Variants in PODXL observed in about 807,000 individuals in gnomAD.
The protein encoded by PODXL is podocalyxin like.
In PODXL, 20 loss-of-function variants were observed where a neutral mutation model predicts 48.9. The ratio of observed to expected loss-of-function variants is 0.41; its 90% CI spans 0.29 to 0.59. The LOEUF is 0.59. Among genes scored for constraint, PODXL ranks in the 20% least tolerant of loss-of-function variants. The pLI is 0.31. For missense variants in PODXL, 606 were observed against 675.1 expected (o/e 0.90, Z 1.13); for synonymous variants, 295 against 287.4 (o/e 1.03, Z -0.27).
At chr7:131,517,982 A>C (rs979892766) in intron 1 of PODXL, among the ~76,000 whole-genome samples, 7 of 151,996 alleles carry the variant, frequency 4.6e-5, no homozygotes, top group Admixed American at 2.0e-4. Flanking sequence ...CAGGCGATCC[A>C]CCCTGCTCAG....
At chr7:131,555,003 C>G (rs1041891514) in intron 1 of PODXL, among the ~76,000 whole-genome samples, 1 of 152,226 alleles carries the variant, frequency 6.6e-6, no homozygotes, top group African/African-American at 2.4e-5. Flanking sequence ...CCTTCCCTTT[C>G]TAGTCAGGCT....
chr7:131,543,092 G>A (rs150252971), intron 1 of PODXL, among the ~76,000 whole-genome samples: 9 of 152,244 alleles, frequency 5.9e-5, no homozygotes, highest in African/African-American at 1.9e-4. Context: ...TGTATGTTTT[G>A]AAGCCACAGT....
Position 131,509,555 on chromosome 7 carries a change from T to A in PODXL, c.833A>T (p.Gln278Leu), listed in dbSNP as rs1797874610. Residue 278 changes from glutamine (Q) to leucine (L), a missense_variant, in exon 4 of 9, where the codon CAG becomes CTG. By Grantham distance (113) the Gln-to-Leu change is moderately radical. Transcript: ENST00000378555. ...ASSVISQRTQ[Q>L]TSSQMPASST... is the part of the protein sequence containing the mutation. ...GCTGGCTGGCATCTGACTGGAGGTC[T>A]GTTGAGTTCTTTGCGAGATAACCGA... 1.3e-6 allele frequency: 2 copies of A among 1,572,190 alleles called. No individual in the cohort carries two copies. Among genetic ancestry groups the A allele is most frequent in the Non-Finnish European group, 1.7e-6 (2 of 1,157,468 alleles).
At chr7:131,524,034 G>C (rs1443060606) in intron 1 of PODXL, among the ~76,000 whole-genome samples, 3 of 151,950 alleles carry the variant, frequency 2.0e-5, no homozygotes, top group Non-Finnish European at 4.4e-5. Context: ...CCTGACCTCA[G>C]GCAATCCACC....
Position 131,520,472 on chromosome 7 carries a change from T to C in PODXL, c.101-9039A>G, listed in dbSNP as rs1473407370. Reference sequence around the variant, plus strand: ...GTTACCCACGTGCCTGTTATCACTTTCAAAAATCTATAGACAGTCAGTGTG... The same window carrying C: ...GTTACCCACGTGCCTGTTATCACTTCCAAAAATCTATAGACAGTCAGTGTG... On this transcript the variant is annotated intron_variant, in intron 1 of 8. Transcript: ENST00000378555. 3.3e-5 allele frequency: 7 copies of C among 209,098 alleles called. No individual in the cohort carries two copies. In the South Asian group the frequency reaches 4.0e-4, roughly 12 times the overall value. The allele number at this position is 209,098 out of a possible 1,614,324, so 13.0% of individuals were successfully genotyped here.
At chr7:131,547,591 G>A (rs1798601979) in intron 1 of PODXL, among the ~76,000 whole-genome samples, 1 of 152,114 alleles carries the variant, frequency 6.6e-6, no homozygotes, top group Non-Finnish European at 1.5e-5. Context: ...GCAGAGTCTA[G>A]GGCATCAGCA....
chr7:131,538,705 C>G (rs558461477), intron 1 of PODXL, among the ~76,000 whole-genome samples: 1 of 152,246 alleles, frequency 6.6e-6, no homozygotes, highest in African/African-American at 2.4e-5. Context: ...TGGTTCCTCT[C>G]CCTCTCAACT....
chr7:131,550,312 GAA>G (rs1266596863), intron 1 of PODXL, among the ~76,000 whole-genome samples: 1 of 152,220 alleles, frequency 6.6e-6, no homozygotes, highest in African/African-American at 2.4e-5. Context: ...GAGGGGTAGG[GAA>G]AGAGATGTGG....
At chr7:131,549,719 C>T (rs369006807) in intron 1 of PODXL, among the ~76,000 whole-genome samples, 9 of 152,316 alleles carry the variant, frequency 5.9e-5, no homozygotes, top group East Asian at 5.8e-4. Flanking sequence ...CTCTCTCAGC[C>T]GCTCCTTAGA....
In PODXL at chr7:131,505,925, G is replaced by T; in HGVS notation, c.1422C>A (p.Leu474=). The T allele has an allele frequency of 6.3e-7, 1 of 1,595,780 alleles. No individual in the cohort carries two copies. Among genetic ancestry groups the T allele is most frequent in the Admixed American group, 1.8e-5 (1 of 56,564 alleles). ...AGCAGCCATAGAGGGCCGCCACGAG[G>T]AGCAGGAATGATGCCATGCAGACGA... ...ITIVCMASFL[L]LVAALYGCCH... The change falls in exon 8 of 9, where the codon CTC becomes CTA. Residue 474 remains leucine (L), a synonymous_variant. Coordinates refer to ENST00000378555, the MANE Select transcript of PODXL (RefSeq NM_001018111.3).
chr7:131,555,244 C>T (rs1346903038), intron 1 of PODXL, among the ~76,000 whole-genome samples: 2 of 152,174 alleles, frequency 1.3e-5, no homozygotes, highest in Non-Finnish European at 2.9e-5. Context: ...GGTGATCACA[C>T]CACCTCAGCT....
intron 1 of PODXL, among the ~76,000 whole-genome samples, chr7:131,525,417 C>T (rs1798164803): frequency 8.7e-6 from 1 of 115,426 alleles, no homozygotes; most frequent in Non-Finnish European, 1.7e-5. Flanking sequence ...GGCAAAACCT[C>T]ATCTCTACCA....
At chr7:131,523,678 C>CAAAAAAAAAAAAAAAAAAAAAAAAAAAA (rs753654977) in intron 1 of PODXL, among the ~76,000 whole-genome samples, 1 of 61,940 alleles carries the variant, frequency 1.6e-5, no homozygotes, top group Admixed American at 2.6e-4. Context: ...GAATCCGTCT[C>CAAAAAAAAAAAAAAAAAAAAAAAAAAAA]AAAAAAAAAA....
intron 7 of PODXL, 87 bp downstream of exon 7, chr7:131,506,173 T>C: frequency 6.5e-7 from 1 of 1,538,848 alleles, no homozygotes; most frequent in South Asian, 1.1e-5. Flanking sequence ...CATGACGGGG[T>C]TCCTCCCCAC....
In PODXL at chr7:131,556,431, G is replaced by A. The variant is rs1798749547; in HGVS notation, c.-72C>T. 2.3e-6 allele frequency: 3 copies of A among 1,304,324 alleles called. No individual in the cohort carries two copies. Among genetic ancestry groups the A allele is most frequent in the Non-Finnish European group, 1.9e-6 (2 of 1,027,816 alleles). 80.8% of individuals were successfully genotyped at this position (1,304,324 alleles called of 1,614,324 possible). A position where few individuals can be genotyped will look rare whatever the true frequency, so the allele number is the denominator to read the frequency against. ...GAGGATCCGCGCGTCCGGGCGGTAG[G>A]AGCGTGGGCGCCGCCCGGGGAGGCC... is the stretch of plus-strand genomic sequence containing the variant. On this transcript the variant is annotated 5_prime_UTR_variant, in exon 1 of 9. Transcript: ENST00000378555.
intron 1 of PODXL, among the ~76,000 whole-genome samples, chr7:131,523,693 AAAAAAAAAAC>A (rs1157936316): frequency 0.03 from 3,281 of 109,944 alleles, 172 homozygotes; most frequent in East Asian, 0.22. Context: ...AAAAAAAAAA[AAAAAAAAAAC>A]AAGAAAAGAA....
chr7:131,530,290 G>C (rs1448388086), intron 1 of PODXL, among the ~76,000 whole-genome samples: 1 of 152,040 alleles, frequency 6.6e-6, no homozygotes, highest in Non-Finnish European at 1.5e-5. Flanking sequence ...TAAGGGACCT[G>C]GGGCTGCTCT....
chr7:131,534,184 G>A (rs1205914121), intron 1 of PODXL, among the ~76,000 whole-genome samples: 1 of 152,180 alleles, frequency 6.6e-6, no homozygotes, highest in Non-Finnish European at 1.5e-5. Flanking sequence ...CCAGACCCAT[G>A]TGGCTCTTCC....
chr7:131,538,798 C>T (rs1442017764), intron 1 of PODXL, among the ~76,000 whole-genome samples: 3 of 152,180 alleles, frequency 2.0e-5, no homozygotes, highest in Non-Finnish European at 4.4e-5. Flanking sequence ...CCATGCCGAG[C>T]CCCTGGAGCT....
Sources: allele counts gnomAD v4.1 joint callset (sites outside exome capture counted in the v4.1 genomes callset), GRCh38; gene constraint gnomAD v4.1.1; transcripts MANE v1.5; gene names NCBI Gene and HGNC (gene_info 2026-07-23, HGNC 2026-07-21).